Variants in ANKS1B observed in about 807,000 individuals in gnomAD.
ANKS1B encodes ankyrin repeat and sterile alpha motif domain containing 1B.
Under a neutral mutation model 148.3 loss-of-function variants are expected in ANKS1B, and 36 were observed. That is an observed-to-expected ratio of 0.24 (90% CI 0.19 to 0.32). ANKS1B has a LOEUF of 0.32. ANKS1B is among the 10% of genes least tolerant of loss of function. The pLI is 1.00. For missense variants in ANKS1B, 1,157 were observed against 1,542.6 expected (o/e 0.75, Z 4.19); for synonymous variants, 542 against 560.8 (o/e 0.97, Z 0.47).
chr12:99,938,164 G>A lies in ANKS1B; in HGVS notation c.134+45940C>T, dbSNP rs1273047991. Among the ~76,000 whole-genome samples the A allele has an allele frequency of 2.0e-5, 3 of 152,080 alleles. No homozygotes were observed. In the East Asian group the frequency reaches 5.8e-4, roughly 29 times the overall value. Reference sequence around the variant, plus strand: ...ACAAACTTGTCATACCCATTTTGTTGGAGTCTCTGTCTTTTACCGGCTTTA... The same window carrying A: ...ACAAACTTGTCATACCCATTTTGTTAGAGTCTCTGTCTTTTACCGGCTTTA... On this transcript the variant is annotated intron_variant, in intron 1 of 26. Coordinates refer to ENST00000683438, the MANE Select transcript of ANKS1B (RefSeq NM_001352186.2).
intron 12 of ANKS1B, among the ~76,000 whole-genome samples, chr12:99,321,409 C>T (rs993702461): frequency 1.3e-5 from 2 of 152,196 alleles, no homozygotes; most frequent in Admixed American, 6.5e-5. Flanking sequence ...CAATGGCGGA[C>T]GCCCCTCCCC....
intron 18 of ANKS1B, among the ~76,000 whole-genome samples, chr12:98,830,169 A>G (rs1431152541): frequency 6.6e-6 from 1 of 152,188 alleles, no homozygotes; most frequent in Non-Finnish European, 1.5e-5. Flanking sequence ...TGACTCCTCT[A>G]AAGAGTCATT....
chr12:99,093,474 A>C (rs4762221), intron 15 of ANKS1B: 2 of 152,274 alleles, frequency 1.3e-5, no homozygotes, highest in African/African-American at 4.8e-5. Flanking sequence ...CCAACATCGT[A>C]TTTGGGTGTT....
At chr12:99,454,536 G>A (rs2095814711) in intron 10 of ANKS1B, among the ~76,000 whole-genome samples, 1 of 152,220 alleles carries the variant, frequency 6.6e-6, no homozygotes, top group South Asian at 2.1e-4. Flanking sequence ...ATAAAAAGCA[G>A]TGCAATGAAC....
At chr12:99,417,385 C>G (rs1567061032) in intron 11 of ANKS1B, among the ~76,000 whole-genome samples, 1 of 152,148 alleles carries the variant, frequency 6.6e-6, no homozygotes, top group African/African-American at 2.4e-5. Context: ...TGGGTTCTCT[C>G]TTCTGTCCTA....
intron 1 of ANKS1B, among the ~76,000 whole-genome samples, chr12:99,842,038 G>A (rs997081842): frequency 6.6e-6 from 1 of 152,006 alleles, no homozygotes; most frequent in Non-Finnish European, 1.5e-5. Flanking sequence ...TCACATTTGA[G>A]TTGAATGCTT....
At chr12:99,456,365 C>CT (rs2152837925) in intron 10 of ANKS1B, among the ~76,000 whole-genome samples, 1 of 152,228 alleles carries the variant, frequency 6.6e-6, no homozygotes, top group South Asian at 2.1e-4. Flanking sequence ...AAACAAGGTT[C>CT]TTTAACACCT....
chr12:99,608,822 G>A (rs901534090), intron 9 of ANKS1B, among the ~76,000 whole-genome samples: 1 of 152,022 alleles, frequency 6.6e-6, no homozygotes, highest in African/African-American at 2.4e-5. Flanking sequence ...TTACCAGAAT[G>A]CTGATGTTTT....
intron 22 of ANKS1B, among the ~76,000 whole-genome samples, chr12:98,789,868 C>A (rs889229713): frequency 6.6e-6 from 1 of 151,996 alleles, no homozygotes; most frequent in Non-Finnish European, 1.5e-5. Flanking sequence ...TTAAAATACA[C>A]GGTAAAACAG....
intron 1 of ANKS1B, among the ~76,000 whole-genome samples, chr12:99,923,441 C>T (rs1375548307): frequency 6.6e-6 from 1 of 152,072 alleles, no homozygotes; most frequent in Non-Finnish European, 1.5e-5. Context: ...GGATGCCAGG[C>T]TTTTATAACA....
chr12:99,165,931 T>C (rs1192966104), intron 14 of ANKS1B, among the ~76,000 whole-genome samples: 3 of 151,860 alleles, frequency 2.0e-5, no homozygotes, highest in Non-Finnish European at 4.4e-5. Flanking sequence ...TGATACAATA[T>C]GACTAAGTGA....
At chr12:99,260,292 CTA>C (rs1172836126) in intron 12 of ANKS1B, among the ~76,000 whole-genome samples, 3 of 152,128 alleles carry the variant, frequency 2.0e-5, no homozygotes, top group African/African-American at 7.2e-5. Context: ...TTTAATTACT[CTA>C]AAATGAATAA....
intron 1 of ANKS1B, among the ~76,000 whole-genome samples, chr12:99,921,788 T>G (rs2094360238): frequency 6.6e-6 from 1 of 152,152 alleles, no homozygotes; most frequent in Non-Finnish European, 1.5e-5. Flanking sequence ...CAACACACAC[T>G]AATATTTTGC....
chr12:99,466,604 G>A (rs998682607), intron 10 of ANKS1B, among the ~76,000 whole-genome samples: 2 of 149,764 alleles, frequency 1.3e-5, no homozygotes, highest in Admixed American at 6.6e-5. Flanking sequence ...TGATAAAGGG[G>A]ATATCACCAC....
chr12:99,582,043 T>C (rs944328634), intron 9 of ANKS1B, among the ~76,000 whole-genome samples: 5 of 152,008 alleles, frequency 3.3e-5, no homozygotes, highest in Admixed American at 6.6e-5. Context: ...TGTTTAATCA[T>C]TGAAAGATAT....
At chr12:99,734,297 T>C (rs1293777715) in intron 8 of ANKS1B, among the ~76,000 whole-genome samples, 4 of 152,096 alleles carry the variant, frequency 2.6e-5, no homozygotes, top group Non-Finnish European at 5.9e-5. Context: ...AAAACCTACA[T>C]ACTCATTTCT....
At chr12:99,938,987 T>C (rs1304376814) in intron 1 of ANKS1B, among the ~76,000 whole-genome samples, 3 of 152,196 alleles carry the variant, frequency 2.0e-5, no homozygotes, top group African/African-American at 7.2e-5. Context: ...CCTCCTATTT[T>C]CTTTCAGATA....
chr12:98,962,425 C>T (rs1005190586), intron 17 of ANKS1B, among the ~76,000 whole-genome samples: 1 of 150,058 alleles, frequency 6.7e-6, no homozygotes, highest in African/African-American at 2.4e-5. Context: ...TATTTTCACC[C>T]AGTGCTAGAG....
chr12:99,691,275 C>T (rs757157220), intron 8 of ANKS1B, among the ~76,000 whole-genome samples: 1 of 152,208 alleles, frequency 6.6e-6, no homozygotes, highest in African/African-American at 2.4e-5. Context: ...CTGATATGCC[C>T]TGGAGACTTC....
Sources: allele counts gnomAD v4.1 joint callset (sites outside exome capture counted in the v4.1 genomes callset), GRCh38; gene constraint gnomAD v4.1.1; transcripts MANE v1.5; gene names NCBI Gene and HGNC (gene_info 2026-07-23, HGNC 2026-07-21).